Variants in ZNF827 observed in about 807,000 individuals in gnomAD.
The protein encoded by ZNF827 is zinc finger protein 827.
Under a neutral mutation model 102.4 loss-of-function variants are expected in ZNF827, and 13 were observed. The observed-to-expected ratio is 0.13, with a 90% confidence interval of 0.08 to 0.20. The LOEUF (loss-of-function observed/expected upper bound fraction) is 0.20, where lower values mean the gene tolerates loss of function less well. Ranked by LOEUF, ZNF827 falls within the 10% of genes least tolerant of loss-of-function variation. The pLI is 1.00. For missense variants in ZNF827, 1,103 were observed against 1,344.4 expected, an observed-to-expected ratio of 0.82 and a Z score of 2.81; for synonymous variants, 523 against 536.2, an observed-to-expected ratio of 0.98 and a Z score of 0.34.
Position 145,888,504 on chromosome 4 carries a change from T to C in ZNF827, c.1267-2346A>G, listed in dbSNP as rs117321824. 1.1e-4 allele frequency among the ~76,000 whole-genome samples: 16 copies of C among 152,318 alleles called. No individual in the cohort carries two copies. In the East Asian group the frequency reaches 2.5e-3, roughly 24 times the overall value. On this transcript the variant is annotated intron_variant, in intron 3 of 14. Transcript: ENST00000508784. ...CATCATTAGGGCCATCTCTTCACCATTGGGGCCATTTCTTGGTAGCAGTTG... is the reference window on the plus strand; with the variant it reads ...CATCATTAGGGCCATCTCTTCACCACTGGGGCCATTTCTTGGTAGCAGTTG...
chr4:145,822,238 C>T (rs1248275076), intron 8 of ZNF827, among the ~76,000 whole-genome samples: 1 of 152,168 alleles, frequency 6.6e-6, no homozygotes, highest in Non-Finnish European at 1.5e-5. Flanking sequence ...AGCTAAAAAG[C>T]ATGCAGGTAT....
chr4:145,807,764 C>A (rs1579248001), intron 8 of ZNF827, among the ~76,000 whole-genome samples: 2 of 144,984 alleles, frequency 1.4e-5, no homozygotes, highest in African/African-American at 5.1e-5. Flanking sequence ...GCCACTGTGC[C>A]AGGCTGCTTT....
intron 1 of ZNF827, among the ~76,000 whole-genome samples, chr4:145,911,358 C>T (rs1353711424): frequency 6.6e-6 from 1 of 152,146 alleles, no homozygotes; most frequent in East Asian, 1.9e-4. Flanking sequence ...CCTGTTTCTC[C>T]AGGTACCGAC....
intron 8 of ZNF827, among the ~76,000 whole-genome samples, chr4:145,794,143 C>T (rs1740136973): frequency 3.9e-5 from 6 of 152,154 alleles, no homozygotes; most frequent in South Asian, 2.1e-4. Flanking sequence ...TCTGCTATTT[C>T]CCGATTTTGG....
At chr4:145,876,099 T>G (rs896819723) in intron 4 of ZNF827, among the ~76,000 whole-genome samples, 2 of 152,204 alleles carry the variant, frequency 1.3e-5, no homozygotes, top group African/African-American at 4.8e-5. Flanking sequence ...TCATCAATAA[T>G]GAAGTGGCTG....
chr4:145,765,181 C>A lies in ZNF827; in HGVS notation c.3053-16G>T, dbSNP rs1735093635. On this transcript the variant is annotated splice_polypyrimidine_tract_variant and intron_variant, in intron 12 of 14. Coordinates refer to ENST00000508784, the MANE Select transcript of ZNF827 (RefSeq NM_001306215.2). This position sits in a 1 kb window ranked among gnomAD's most constrained non-coding sequence, Gnocchi z 4.7. ...CATTCGAACCCTGCAAGGACCGAAG[C>A]TGGGTATAGAGGTGCACAGGGCAGC... 1.3e-6 allele frequency: 2 copies of A among 1,591,062 alleles called. No homozygotes were observed. Among genetic ancestry groups the A allele is most frequent in the Non-Finnish European group, 8.6e-7 (1 of 1,168,346 alleles).
At chr4:145,918,806 G>A (rs761137142) in intron 1 of ZNF827, among the ~76,000 whole-genome samples, 5 of 152,200 alleles carry the variant, frequency 3.3e-5, no homozygotes, top group Non-Finnish European at 5.9e-5. Context: ...AGACAAGGAA[G>A]GGTTCCACCT....
chr4:145,777,426 G>A (rs1737289843), intron 9 of ZNF827, among the ~76,000 whole-genome samples: 1 of 152,186 alleles, frequency 6.6e-6, no homozygotes, highest in African/African-American at 2.4e-5. Flanking sequence ...TGGACCTGAT[G>A]CCTTTATAAA....
chr4:145,912,765 C>T (rs916192001), intron 1 of ZNF827, among the ~76,000 whole-genome samples: 2 of 152,214 alleles, frequency 1.3e-5, no homozygotes, highest in Admixed American at 6.5e-5. Flanking sequence ...CCTTCCCTAC[C>T]GCCTTCAGAG....
intron 7 of ZNF827, among the ~76,000 whole-genome samples, chr4:145,836,780 A>G (rs1304193418): frequency 2.6e-4 from 39 of 151,788 alleles, no homozygotes; most frequent in Non-Finnish European, 8.8e-5. Context: ...AAGGCAGGTT[A>G]TGCTATAGTA....
intron 1 of ZNF827, among the ~76,000 whole-genome samples, chr4:145,917,217 C>T (rs1324495125): frequency 6.6e-6 from 1 of 152,180 alleles, no homozygotes; most frequent in Non-Finnish European, 1.5e-5. Flanking sequence ...CAGCAAGAGC[C>T]CCACTTCTTA....
intron 7 of ZNF827, among the ~76,000 whole-genome samples, chr4:145,833,422 A>G (rs1181294315): frequency 1.3e-5 from 2 of 152,174 alleles, no homozygotes; most frequent in African/African-American, 4.8e-5. Flanking sequence ...CAAAGGTGTC[A>G]GACCACGCAG....
chr4:145,851,795 A>G (rs559306625), intron 5 of ZNF827, among the ~76,000 whole-genome samples: 5 of 152,268 alleles, frequency 3.3e-5, no homozygotes, highest in African/African-American at 9.6e-5. Flanking sequence ...ATGATAAAAA[A>G]ATTTTTTTAA....
At chr4:145,918,932 C>T (rs1233202065) in intron 1 of ZNF827, among the ~76,000 whole-genome samples, 2 of 152,160 alleles carry the variant, frequency 1.3e-5, no homozygotes, top group Non-Finnish European at 2.9e-5. Flanking sequence ...TTACTGGGGA[C>T]TAAGTGTCAG....
chr4:145,771,725 T>C (rs1373197082), intron 11 of ZNF827, among the ~76,000 whole-genome samples: 2 of 152,016 alleles, frequency 1.3e-5, no homozygotes, highest in East Asian at 1.9e-4. Context: ...CATAAGAAAA[T>C]GTGAGAAAGC....
chr4:145,874,966 AT>A (rs1425610530), intron 4 of ZNF827, among the ~76,000 whole-genome samples: 1 of 152,212 alleles, frequency 6.6e-6, no homozygotes, highest in African/African-American at 2.4e-5. Context: ...TTTTTTGAGG[AT>A]TTATGAAGAA....
intron 5 of ZNF827, among the ~76,000 whole-genome samples, chr4:145,861,066 C>T (rs1284742356): frequency 6.6e-6 from 1 of 152,202 alleles, no homozygotes; most frequent in Admixed American, 6.5e-5. Flanking sequence ...AGACAAGCTA[C>T]TTAGCAATGA....
At chr4:145,888,876 C>A (rs35749556) in intron 3 of ZNF827, among the ~76,000 whole-genome samples, 28,224 of 152,050 alleles carry the variant, frequency 0.19, 3,144 homozygotes, top group East Asian at 0.43. Context: ...CCTTCCACAG[C>A]GGGTGATAAA....
At chr4:145,844,491 G>A (rs1745724392) in intron 7 of ZNF827, among the ~76,000 whole-genome samples, 1 of 151,224 alleles carries the variant, frequency 6.6e-6, no homozygotes, top group Non-Finnish European at 1.5e-5. Context: ...ACCAGCCTGG[G>A]CAACATGGCG....
Sources: allele counts gnomAD v4.1 joint callset (sites outside exome capture counted in the v4.1 genomes callset), GRCh38; gene constraint gnomAD v4.1.1; non-coding constraint Gnocchi (gnomAD v3.1); transcripts MANE v1.5; gene names NCBI Gene and HGNC (gene_info 2026-07-23, HGNC 2026-07-21).